Variants in PCMTD1 observed in about 807,000 individuals in gnomAD.
PCMTD1 encodes the protein protein-L-isoaspartate O-methyltransferase domain-containing protein 1.
A neutral mutation model predicts 37.6 loss-of-function variants in PCMTD1; 12 were observed. The observed-to-expected ratio is 0.32, with a 90% CI of 0.20 to 0.52. PCMTD1 has a LOEUF of 0.52. Among genes scored for constraint, PCMTD1 ranks in the 20% least tolerant of loss-of-function variants. The probability of loss-of-function intolerance (pLI) is 0.97; values close to 1 mark genes in which losing one functional copy is unlikely to be tolerated. For missense variants in PCMTD1, 235 were observed against 421.3 expected (o/e 0.56, Z 3.87); for synonymous variants, 117 against 135.8 (o/e 0.86, Z 0.96).
At chr8:51,824,804 A>G (rs181287735) in intron 5 of PCMTD1, among the ~76,000 whole-genome samples, 1 of 152,218 alleles carries the variant, frequency 6.6e-6, no homozygotes, top group Non-Finnish European at 1.5e-5. Context: ...ATACCACAAG[A>G]CTACAGTAAC....
chr8:51,838,370 T>G (rs2038097834), intron 3 of PCMTD1, among the ~76,000 whole-genome samples: 1 of 151,824 alleles, frequency 6.6e-6, no homozygotes, highest in African/African-American at 2.4e-5. Context: ...GCGCCTATAG[T>G]CCCAGCTACT....
chr8:51,838,657 T>A (rs2038101575), intron 3 of PCMTD1, among the ~76,000 whole-genome samples: 1 of 152,112 alleles, frequency 6.6e-6, no homozygotes, highest in Non-Finnish European at 1.5e-5. Context: ...AAAATAAACA[T>A]TTTTCCTCCT....
At chr8:51,883,004 G>A (rs2038814151) in intron 1 of PCMTD1, among the ~76,000 whole-genome samples, 1 of 151,562 alleles carries the variant, frequency 6.6e-6, no homozygotes, top group African/African-American at 2.4e-5. Flanking sequence ...AGGCGTGGTG[G>A]TGGGCGCCTG....
In PCMTD1 at chr8:51,819,912, A is replaced by G. The variant is rs951880428; in HGVS notation, c.*439T>C. 6.5e-6 allele frequency: 1 copy of G among 153,454 alleles called. No individual in the cohort carries two copies. Among genetic ancestry groups the G allele is most frequent in the African/African-American group, 2.4e-5 (1 of 41,486 alleles). The allele number at this position is 153,454 out of a possible 1,614,324, so 9.5% of individuals were successfully genotyped here. A position where few individuals can be genotyped will look rare whatever the true frequency, so the allele number is the denominator to read the frequency against. On this transcript the variant is annotated 3_prime_UTR_variant, in exon 6 of 6. Transcript: ENST00000522514. Reference sequence around the variant, plus strand: ...GCAACAAAAGTAAGGTAAATAGTCTACAAAGCATTTGACTTCCTTATTAGA... The same window carrying G: ...GCAACAAAAGTAAGGTAAATAGTCTGCAAAGCATTTGACTTCCTTATTAGA...
At chr8:51,830,270 T>G (rs568454380) in intron 5 of PCMTD1, among the ~76,000 whole-genome samples, 1 of 152,334 alleles carries the variant, frequency 6.6e-6, no homozygotes, top group African/African-American at 2.4e-5. Flanking sequence ...AACCCTAGCC[T>G]AAAATGCCAT....
chr8:51,897,988 ACCCTGGGT>A (rs1056273566), intron 1 of PCMTD1, among the ~76,000 whole-genome samples: 70 of 152,188 alleles, frequency 4.6e-4, no homozygotes, highest in African/African-American at 1.6e-3. Context: ...GAGACTGGCT[ACCCTGGGT>A]AGTAAGAAGG....
At chr8:51,836,660 A>C (rs2038071194) in intron 3 of PCMTD1, among the ~76,000 whole-genome samples, 1 of 152,228 alleles carries the variant, frequency 6.6e-6, no homozygotes, top group Non-Finnish European at 1.5e-5. Flanking sequence ...ACAAATTAAA[A>C]ATCTCAGGAG....
At chr8:51,870,613 C>T (rs1398375286) in intron 1 of PCMTD1, among the ~76,000 whole-genome samples, 1 of 152,068 alleles carries the variant, frequency 6.6e-6, no homozygotes, top group African/African-American at 2.4e-5. Context: ...AGTTCTTTAC[C>T]ATACTTCTAT....
At chr8:51,848,986 T>G (rs2038264133) in intron 2 of PCMTD1, 1 of 151,712 alleles carries the variant, frequency 6.6e-6, no homozygotes, top group South Asian at 2.1e-4. Context: ...ATTTAGAATG[T>G]GATATACACC....
Position 51,861,748 on chromosome 8 carries a change from G to T in PCMTD1, c.-95-502C>A, listed in dbSNP as rs180975668. On this transcript the variant is annotated intron_variant, in intron 1 of 5. Transcript: ENST00000522514. ...TTAATTTTTTTTTTTTTAAGATAAG[G>T]TCTCACTCTGTCACCCAGGCTGGAG... is the stretch of plus-strand genomic sequence containing the variant. Among the ~76,000 whole-genome samples the T allele has an allele frequency of 2.2e-3, 336 of 150,366 alleles. 1 individual carries two copies. Among genetic ancestry groups the T allele is most frequent in the Admixed American group, 0.02 (306 of 15,072 alleles).
In PCMTD1 at chr8:51,860,990, T is replaced by C; in HGVS notation, c.162A>G (p.Leu54=). 6.2e-7 allele frequency: 1 copy of C among 1,614,182 alleles called. No homozygotes were observed. The highest frequency in any genetic ancestry group is 8.5e-7 in the Non-Finnish European group (1 of 1,180,018). ...EGYRDNAYKD[L]AWKHGNIHLS... is the part of the protein sequence containing the mutation. ...AGTGGATGTTTCCATGCTTCCAGGC[T>C]AAGTCTTTGTAAGCATTGTCTCTGT... is the stretch of plus-strand genomic sequence containing the variant. The change falls in exon 2 of 6, where the codon TTA becomes TTG. Residue 54 remains leucine (L), a synonymous_variant. Coordinates refer to ENST00000522514, the MANE Select transcript of PCMTD1 (RefSeq NM_052937.4).
chr8:51,882,432 T>C (rs2038804438), intron 1 of PCMTD1, among the ~76,000 whole-genome samples: 1 of 149,090 alleles, frequency 6.7e-6, no homozygotes, highest in Non-Finnish European at 1.5e-5. Flanking sequence ...GAACATTCAA[T>C]TCATAACTGT....
chr8:51,845,608 T>C, intron 3 of PCMTD1, 53 bp downstream of exon 3: 2 of 1,227,102 alleles, frequency 1.6e-6, no homozygotes, highest in South Asian at 2.5e-5. Context: ...ATAGACATGT[T>C]GCATGTATCT....
intron 3 of PCMTD1, among the ~76,000 whole-genome samples, chr8:51,844,413 T>C (rs1286922918): frequency 2.0e-5 from 3 of 152,158 alleles, no homozygotes; most frequent in African/African-American, 7.2e-5. Flanking sequence ...AACCTGAGCA[T>C]TTCCCAACTG....
chr8:51,893,044 A>G (rs2038957544), intron 1 of PCMTD1, among the ~76,000 whole-genome samples: 1 of 152,352 alleles, frequency 6.6e-6, no homozygotes, highest in South Asian at 2.1e-4. Flanking sequence ...TTGTATCTTC[A>G]AAGAAGTATT....
At chr8:51,896,549 A>C (rs2039004369) in intron 1 of PCMTD1, among the ~76,000 whole-genome samples, 1 of 152,200 alleles carries the variant, frequency 6.6e-6, no homozygotes, top group South Asian at 2.1e-4. Flanking sequence ...TACAATTTAC[A>C]ATAACATCCC....
intron 3 of PCMTD1, among the ~76,000 whole-genome samples, chr8:51,840,238 G>A (rs1005033669): frequency 6.6e-6 from 1 of 152,114 alleles, no homozygotes; most frequent in Non-Finnish European, 1.5e-5. Context: ...AATGTGACAG[G>A]TAAGTCATAT....
intron 2 of PCMTD1, among the ~76,000 whole-genome samples, chr8:51,859,918 C>T (rs1194764595): frequency 6.6e-6 from 1 of 152,140 alleles, no homozygotes; most frequent in Non-Finnish European, 1.5e-5. Flanking sequence ...TGTCTTCTCA[C>T]ACCCCACCCC....
chr8:51,842,387 A>G (rs561180349), intron 3 of PCMTD1, among the ~76,000 whole-genome samples: 1 of 152,196 alleles, frequency 6.6e-6, no homozygotes, highest in Non-Finnish European at 1.5e-5. Flanking sequence ...CTGGAGTGCA[A>G]TAGTGCAATC....
Sources: allele counts gnomAD v4.1 joint callset (sites outside exome capture counted in the v4.1 genomes callset), GRCh38; gene constraint gnomAD v4.1.1; transcripts MANE v1.5; gene names NCBI Gene and HGNC (gene_info 2026-07-23, HGNC 2026-07-21).